STRN3: variants seen among roughly 807,000 people sequenced by gnomAD.
The protein encoded by STRN3 is striatin-3.
Under a neutral mutation model 95.6 loss-of-function variants are expected in STRN3, and 29 were observed. The observed-to-expected ratio is 0.30, with a 90% CI of 0.23 to 0.41. STRN3 has a LOEUF of 0.41. Ranked by LOEUF, STRN3 falls within the 10% of genes least tolerant of loss-of-function variation. The pLI is 1.00. For missense variants in STRN3, 890 were observed against 972.1 expected (o/e 0.92, Z 1.12); for synonymous variants, 331 against 357.6 (o/e 0.93, Z 0.84).
intron 8 of STRN3, among the ~76,000 whole-genome samples, chr14:30,920,141 T>C (rs1269151620): frequency 1.3e-5 from 2 of 152,160 alleles, no homozygotes; most frequent in East Asian, 3.8e-4. Context: ...TACGCATCTA[T>C]GTATCCTTAA....
chr14:30,984,639 G>A (rs887712069), intron 1 of STRN3, among the ~76,000 whole-genome samples: 3 of 152,120 alleles, frequency 2.0e-5, no homozygotes, highest in South Asian at 2.1e-4. Flanking sequence ...TTAGCTGGGC[G>A]TGGTGGCAGG....
At chr14:30,924,950 C>T (rs1896985478) in intron 8 of STRN3, among the ~76,000 whole-genome samples, 1 of 152,176 alleles carries the variant, frequency 6.6e-6, no homozygotes, top group South Asian at 2.1e-4. Flanking sequence ...ATGGAATTCT[C>T]TGTACTATTC....
In STRN3 at chr14:30,929,185, C is replaced by A. The variant is rs773860697; in HGVS notation, c.1099+16G>T. ...ATTGGTATACAAAAATTATAATAGT[C>A]AGAATCTGCACTTACTCTTCACCCC... On this transcript the variant is annotated intron_variant, in intron 8 of 17. Coordinates refer to ENST00000357479, the MANE Select transcript of STRN3 (RefSeq NM_001083893.2). The A allele has an allele frequency of 6.4e-7, 1 of 1,572,228 alleles. No homozygotes were observed.
chr14:30,967,609 C>G (rs949760665), intron 1 of STRN3, among the ~76,000 whole-genome samples: 1 of 152,192 alleles, frequency 6.6e-6, no homozygotes, highest in Admixed American at 6.5e-5. Flanking sequence ...CAAATGCATT[C>G]TATCTGTAGC....
intron 1 of STRN3, among the ~76,000 whole-genome samples, chr14:30,967,032 G>A (rs536319892): frequency 2.0e-5 from 3 of 151,762 alleles, no homozygotes; most frequent in Admixed American, 2.0e-4. Flanking sequence ...GACACCCCTG[G>A]TTTGAGGGGT....
At chr14:31,012,721 G>A (rs937740945) in intron 1 of STRN3, among the ~76,000 whole-genome samples, 1 of 151,954 alleles carries the variant, frequency 6.6e-6, no homozygotes, top group Non-Finnish European at 1.5e-5. Context: ...GTGAAACCCC[G>A]TCTCTACTAA....
chr14:30,903,415 T>C (rs953868863), intron 15 of STRN3, among the ~76,000 whole-genome samples: 4 of 152,162 alleles, frequency 2.6e-5, no homozygotes, highest in Non-Finnish European at 5.9e-5. Flanking sequence ...ATTTTTTTTG[T>C]TTAAGAGACA....
intron 3 of STRN3, among the ~76,000 whole-genome samples, 172 bp downstream of exon 3, chr14:30,955,448 G>C (rs554716084): frequency 3.9e-5 from 6 of 152,156 alleles, no homozygotes; most frequent in Admixed American, 3.9e-4. Context: ...TCAGGATTAA[G>C]ATGTATATGA....
At chr14:31,000,139 A>C (rs753287274) in intron 1 of STRN3, among the ~76,000 whole-genome samples, 1 of 151,932 alleles carries the variant, frequency 6.6e-6, no homozygotes, top group Non-Finnish European at 1.5e-5. Context: ...GGAGTCTTTC[A>C]GGCTAAAATA....
intron 1 of STRN3, among the ~76,000 whole-genome samples, chr14:31,010,572 T>C (rs1882925129): frequency 6.6e-6 from 1 of 152,056 alleles, no homozygotes; most frequent in Non-Finnish European, 1.5e-5. Context: ...TTTAAAAATA[T>C]CTGAACTTTT....
intron 6 of STRN3, among the ~76,000 whole-genome samples, chr14:30,935,965 G>A (rs1286412550): frequency 1.3e-5 from 2 of 152,120 alleles, no homozygotes; most frequent in African/African-American, 2.4e-5. Flanking sequence ...GGTAATCCAC[G>A]AATGGACGAT....
intron 1 of STRN3, among the ~76,000 whole-genome samples, chr14:31,019,886 C>CTTTTTTTTT (rs67956918): frequency 2.1e-5 from 3 of 143,044 alleles, no homozygotes; most frequent in Non-Finnish European, 4.5e-5. Context: ...CACTCATTTT[C>CTTTTTTTTT]TTTTTTTTTT....
rs375675562 is a variant in STRN3 at position 30,912,250 on chromosome 14, C to T, written c.1375-68G>A. On this transcript the variant is annotated intron_variant, in intron 10 of 17. Transcript: ENST00000357479. ...CTGGAAGGCATGTGGAGTGTTTGTT[C>T]GTTTCTTTTTGGTGTGTTTAACACA... The T allele has an allele frequency of 3.6e-4, 534 of 1,482,636 alleles. 6 individuals carry two copies. In the South Asian group the frequency reaches 6.7e-3, roughly 19 times the overall value. 91.8% of individuals were successfully genotyped at this position (1,482,636 alleles called of 1,614,324 possible). A position where few individuals can be genotyped will look rare whatever the true frequency, so the allele number is the denominator to read the frequency against.
chr14:31,014,833 G>C (rs1594586425), intron 1 of STRN3: 1 of 404,850 alleles, frequency 2.5e-6, no homozygotes, highest in East Asian at 8.0e-5. Context: ...AAAAAAAACA[G>C]GGTCTCACTC....
intron 1 of STRN3, among the ~76,000 whole-genome samples, chr14:30,980,614 G>A (rs1023144919): frequency 6.6e-6 from 1 of 151,898 alleles, no homozygotes; most frequent in Non-Finnish European, 1.5e-5. Context: ...CACCATATTG[G>A]CTGGGCTCAA....
At chr14:31,004,335 A>G (rs1045359614) in intron 1 of STRN3, among the ~76,000 whole-genome samples, 1 of 152,014 alleles carries the variant, frequency 6.6e-6, no homozygotes, top group Non-Finnish European at 1.5e-5. Flanking sequence ...ATGGTGGCAC[A>G]CACCTGTAGT....
chr14:30,954,285 T>C (rs1879795626), intron 3 of STRN3, among the ~76,000 whole-genome samples: 1 of 152,210 alleles, frequency 6.6e-6, no homozygotes, highest in Non-Finnish European at 1.5e-5. Context: ...TATTTTAATA[T>C]AACCCGTTTA....
chr14:31,006,201 A>C (rs1007949077), intron 1 of STRN3, among the ~76,000 whole-genome samples: 3 of 152,002 alleles, frequency 2.0e-5, no homozygotes, highest in African/African-American at 7.2e-5. Flanking sequence ...AGAAAAATTC[A>C]ACAACAAAAA....
chr14:30,906,983 A>G lies in STRN3; in HGVS notation c.1782T>C (p.Tyr594=). 2 of 1,613,960 alleles carry G rather than the reference A, an allele frequency of 1.2e-6. No individual in the cohort carries two copies. Among genetic ancestry groups the G allele is most frequent in the Non-Finnish European group, 1.7e-6 (2 of 1,179,908 alleles). ...GHTDAVWGLA[Y]SGIKNQLLSC... ...ACAGTAATTGATTTTTTATGCCACT[A>G]TAAGCAAGACCCCAAACTGCATCTG... is the stretch of plus-strand genomic sequence containing the variant. The change falls in exon 14 of 18, where the codon TAT becomes TAC. Residue 594 remains tyrosine (Y), a synonymous_variant. Coordinates refer to ENST00000357479, the MANE Select transcript of STRN3 (RefSeq NM_001083893.2).
Sources: allele counts gnomAD v4.1 joint callset (sites outside exome capture counted in the v4.1 genomes callset), GRCh38; gene constraint gnomAD v4.1.1; transcripts MANE v1.5; gene names NCBI Gene and HGNC (gene_info 2026-07-23, HGNC 2026-07-21).